Variants in MMRN1 observed in about 807,000 individuals in gnomAD.
MMRN1 encodes the protein multimerin-1.
A neutral mutation model predicts 100.7 loss-of-function variants in MMRN1; 94 were observed. The observed-to-expected ratio is 0.93, with a 90% confidence interval of 0.79 to 1.11. The LOEUF (loss-of-function observed/expected upper bound fraction) is 1.11, where lower values mean the gene tolerates loss of function less well. MMRN1 is among the 50% of genes least tolerant of loss of function. MMRN1 has a pLI of 0.00. For synonymous variants in MMRN1, 575 were observed against 505.0 expected (o/e 1.14, Z -1.86); for missense variants, 1,606 against 1,439.1 (o/e 1.12, Z -1.88).
upstream of MMRN1, among the ~76,000 whole-genome samples, chr4:89,890,874 GT>G (rs899433604): frequency 1.3e-3 from 197 of 150,204 alleles, no homozygotes; most frequent in African/African-American, 2.7e-3. Context: ...CAAATATGTT[GT>G]TTTTTTTTCC....
At chr4:89,892,208 T>A (rs1221086431), upstream of MMRN1, among the ~76,000 whole-genome samples, 2 of 151,760 alleles carry the variant, frequency 1.3e-5, no homozygotes, top group Non-Finnish European at 2.9e-5. Flanking sequence ...ATATAATAAA[T>A]TTCATGATTT....
intron 4 of MMRN1, among the ~76,000 whole-genome samples, chr4:89,927,072 G>T (rs549823804): frequency 1.3e-5 from 2 of 151,570 alleles, no homozygotes; most frequent in Non-Finnish European, 2.9e-5. Context: ...TCCTCCAGTT[G>T]TTCCTTCAGT....
At chr4:89,927,678 C>T in intron 4 of MMRN1, 117 bp from the exon 5 acceptor site, 1 of 855,096 alleles carries the variant, frequency 1.2e-6, no homozygotes, top group Non-Finnish European at 1.8e-6. Context: ...AAGTGAGCAT[C>T]TTTGTTGTGC....
Position 89,935,892 on chromosome 4 carries a change from G to T in MMRN1, c.2212G>T (p.Ala738Ser), listed in dbSNP as rs1185016798. The change falls in exon 6 of 8, where the codon GCT (alanine) becomes TCT (serine). Residue 738 changes from alanine to serine, a missense_variant. By Grantham distance (99) the Ala-to-Ser change is moderately conservative. Transcript: ENST00000264790. ...LNKTMTIINN[A>S]IDFIQDNYAL... Reference sequence around the variant, plus strand: ...TAAGACAATGACTATTATAAATAATGCTATTGATTTCATTCAAGATAACTA... The same window carrying T: ...TAAGACAATGACTATTATAAATAATTCTATTGATTTCATTCAAGATAACTA... 7 of 1,609,200 alleles carry T rather than the reference G, an allele frequency of 4.3e-6. No individual in the cohort carries two copies. The highest frequency in any genetic ancestry group is 1.7e-5 in the Admixed American group (1 of 59,434).
chr4:89,948,804 G>A (rs1185196506), intron 6 of MMRN1, among the ~76,000 whole-genome samples: 1 of 152,160 alleles, frequency 6.6e-6, no homozygotes, highest in Non-Finnish European at 1.5e-5. Context: ...TAAAACAGAA[G>A]CAGTCGAAGC....
intron 3 of MMRN1, among the ~76,000 whole-genome samples, chr4:89,914,245 C>T (rs571717121): frequency 5.3e-5 from 8 of 151,536 alleles, no homozygotes; most frequent in African/African-American, 1.7e-4. Context: ...TTTACTTCTT[C>T]TCCCCCACTT....
intron 2 of MMRN1, 131 bp from the exon 3 acceptor site, chr4:89,911,813 A>G (rs1721758771): frequency 3.3e-6 from 2 of 606,782 alleles, no homozygotes; most frequent in East Asian, 3.1e-5. Flanking sequence ...TATTATGATT[A>G]TAACAGCCGA....
chr4:89,902,651 A>C (rs923690810), intron 1 of MMRN1, among the ~76,000 whole-genome samples: 36 of 152,084 alleles, frequency 2.4e-4, no homozygotes, highest in South Asian at 8.3e-4. Flanking sequence ...ACTCAATTAC[A>C]TTCACCACAC....
intron 1 of MMRN1, among the ~76,000 whole-genome samples, chr4:89,880,328 G>A (rs1488383370): frequency 6.6e-6 from 1 of 152,098 alleles, no homozygotes; most frequent in African/African-American, 2.4e-5. Flanking sequence ...TATGTCACAA[G>A]AGTTTTAGAG....
At chr4:89,883,055 G>T (rs1249763825) in intron 1 of MMRN1, among the ~76,000 whole-genome samples, 1 of 151,864 alleles carries the variant, frequency 6.6e-6, no homozygotes, top group Non-Finnish European at 1.5e-5. Context: ...TAATCATATT[G>T]ATTTTTGACA....
chr4:89,948,703 T>C (rs531131120), intron 6 of MMRN1, among the ~76,000 whole-genome samples: 2 of 152,192 alleles, frequency 1.3e-5, no homozygotes, highest in Non-Finnish European at 1.5e-5. Context: ...GCCATGGACA[T>C]GATTTTATAT....
At chr4:89,893,581 A>G (rs945996182), upstream of MMRN1, among the ~76,000 whole-genome samples, 1 of 152,154 alleles carries the variant, frequency 6.6e-6, no homozygotes, top group African/African-American at 2.4e-5. Context: ...TTAACAATCA[A>G]TGACTGAATA....
upstream of MMRN1, among the ~76,000 whole-genome samples, chr4:89,893,059 A>G (rs1721090242): frequency 6.6e-6 from 1 of 152,040 alleles, no homozygotes; most frequent in Non-Finnish European, 1.5e-5. Context: ...TGTGTTTTCC[A>G]GATAAAGACA....
chr4:89,894,295 T>C (rs1258138651), upstream of MMRN1, among the ~76,000 whole-genome samples: 4 of 152,158 alleles, frequency 2.6e-5, no homozygotes, highest in African/African-American at 9.7e-5. Flanking sequence ...TTACTTATAA[T>C]CATTGAGATT....
rs1274063593 is a variant in MMRN1 at position 89,897,804 on chromosome 4, C to T, written c.623+2210C>T. On this transcript the variant is annotated intron_variant, in intron 1 of 7. Transcript: ENST00000264790. ...GAATTTAAAAAAATAATAATAATTC[C>T]TCTGTCTAAGGAATATTCCCTATAA... is the stretch of plus-strand genomic sequence containing the variant. Among the ~76,000 whole-genome samples, 4 of 152,158 alleles carry T rather than the reference C, an allele frequency of 2.6e-5. No homozygotes were observed. The South Asian group carries it at 8.3e-4, about 32-fold the overall frequency.
intron 1 of MMRN1, among the ~76,000 whole-genome samples, chr4:89,896,186 T>C (rs1461977075): frequency 6.6e-6 from 1 of 152,098 alleles, no homozygotes; most frequent in East Asian, 1.9e-4. Flanking sequence ...AATAAAACTT[T>C]GCAGGGTTCT....
intron 1 of MMRN1, among the ~76,000 whole-genome samples, chr4:89,903,207 A>T (rs985860522): frequency 6.6e-6 from 1 of 151,884 alleles, no homozygotes; most frequent in African/African-American, 2.4e-5. Flanking sequence ...CTACATGCAA[A>T]TTATAGTCTT....
intron 5 of MMRN1, among the ~76,000 whole-genome samples, chr4:89,929,363 T>C (rs975783553): frequency 1.3e-5 from 2 of 152,144 alleles, no homozygotes; most frequent in Non-Finnish European, 2.9e-5. Context: ...CAATTATGTT[T>C]TTTAATCATA....
chr4:89,901,477 T>C (rs1721386461), intron 1 of MMRN1, among the ~76,000 whole-genome samples: 1 of 152,078 alleles, frequency 6.6e-6, no homozygotes, highest in Non-Finnish European at 1.5e-5. Flanking sequence ...ATACTTTTTT[T>C]CTGCTCATTT....
Sources: allele counts gnomAD v4.1 joint callset (sites outside exome capture counted in the v4.1 genomes callset), GRCh38; gene constraint gnomAD v4.1.1; transcripts MANE v1.5; gene names NCBI Gene and HGNC (gene_info 2026-07-23, HGNC 2026-07-21).